PCSK6: variants seen among roughly 807,000 people sequenced by gnomAD.
PCSK6 encodes proprotein convertase subtilisin/kexin type 6, also known as paired basic amino acid cleaving enzyme 4.
PCSK6 carries 85 observed loss-of-function variants against 123.3 expected under a neutral mutation model. The ratio of observed to expected loss-of-function variants is 0.69; its 90% CI spans 0.58 to 0.83. The LOEUF (loss-of-function observed/expected upper bound fraction) is 0.83, where lower values mean the gene tolerates loss of function less well. PCSK6 is among the 40% of genes least tolerant of loss of function. The pLI, the probability that PCSK6 is intolerant of heterozygous loss-of-function variation, is 0.00. For synonymous variants in PCSK6, 508 were observed against 516.0 expected (o/e 0.98, Z 0.21); for missense variants, 1,191 against 1,282.3 (o/e 0.93, Z 1.09).
chr15:101,474,137 T>G (rs1460134666), intron 1 of PCSK6, among the ~76,000 whole-genome samples: 1 of 152,188 alleles, frequency 6.6e-6, no homozygotes, highest in Non-Finnish European at 1.5e-5. Context: ...AAATTGGGCT[T>G]TATCAAGAGG....
At chr15:101,405,900 G>A (rs778316823) in intron 6 of PCSK6, among the ~76,000 whole-genome samples, 34 of 152,108 alleles carry the variant, frequency 2.2e-4, no homozygotes, top group African/African-American at 4.1e-4. Flanking sequence ...ACACCACCAC[G>A]CCTGGCTAAT....
At chr15:101,382,230 G>C in intron 10 of PCSK6, 21 bp from the exon 11 acceptor site, 2 of 1,558,554 alleles carry the variant, frequency 1.3e-6, no homozygotes, top group Non-Finnish European at 1.8e-6. Context: ...AGGCCCTTCA[G>C]AGCCAGGCTC....
intron 17 of PCSK6, among the ~76,000 whole-genome samples, chr15:101,323,607 C>G (rs1345108137): frequency 1.3e-5 from 2 of 152,124 alleles, no homozygotes; most frequent in African/African-American, 4.8e-5. Flanking sequence ...ATGGCGCATG[C>G]CTGTAAGCCC....
chr15:101,331,743 A>C (rs1395829154), intron 14 of PCSK6, 54 bp from the exon 15 acceptor site: 7 of 1,601,446 alleles, frequency 4.4e-6, no homozygotes, highest in Non-Finnish European at 4.3e-6. Flanking sequence ...AGAGAGACAC[A>C]CAACCATCAG....
At chr15:101,418,598 T>C (rs2055973490) in intron 6 of PCSK6, among the ~76,000 whole-genome samples, 1 of 151,936 alleles carries the variant, frequency 6.6e-6, no homozygotes, top group African/African-American at 2.4e-5. Flanking sequence ...CTGCAGCCTT[T>C]GTCTCCCAGG....
chr15:101,407,239 G>A (rs1394737430), intron 6 of PCSK6, among the ~76,000 whole-genome samples: 1 of 152,180 alleles, frequency 6.6e-6, no homozygotes, highest in Admixed American at 6.5e-5. Flanking sequence ...TCTAAATCAT[G>A]TTTTCTACAA....
In PCSK6 at chr15:101,427,900, T is replaced by A; in HGVS notation, c.815A>T (p.Lys272Ile). The change falls in exon 6 of 22, where the codon AAA becomes ATA. Residue 272 changes from lysine to isoleucine, a missense_variant. This residue lies in a region of PCSK6 where 357 missense variants were observed against 484.5 expected (regional missense o/e 0.74). Transcript: ENST00000611716. ...YCIVGIAYNA[K>I]IGGIRMLDGD... The stretch of plus-strand genomic sequence containing the variant: ...GCCACGCCCGGCCTTACCTCCTATT[T>A]TGGCATTGTACGCTATGCCCACGAT... The A allele has an allele frequency of 6.4e-7, 1 of 1,574,006 alleles. No homozygotes were observed. Among genetic ancestry groups the A allele is most frequent in the Non-Finnish European group, 8.6e-7 (1 of 1,158,876 alleles).
At chr15:101,410,227 G>C (rs1488421521) in intron 6 of PCSK6, among the ~76,000 whole-genome samples, 1 of 152,166 alleles carries the variant, frequency 6.6e-6, no homozygotes, top group Non-Finnish European at 1.5e-5. Flanking sequence ...CACTGTGCTT[G>C]GCCAGGGCCT....
chr15:101,457,760 G>A (rs548856042), intron 1 of PCSK6, among the ~76,000 whole-genome samples: 5 of 152,290 alleles, frequency 3.3e-5, no homozygotes, highest in Admixed American at 2.6e-4. Flanking sequence ...GGCAGCCCTG[G>A]CCACCCCTCT....
At chr15:101,307,162 C>G (rs1039546520) in intron 21 of PCSK6, 51 bp downstream of exon 21, 22 of 1,372,120 alleles carry the variant, frequency 1.6e-5, no homozygotes, top group Non-Finnish European at 2.3e-5. Context: ...CACGAGCTGG[C>G]CAGCTGAGCT....
At chr15:101,487,364 C>T (rs1337577367) in intron 1 of PCSK6, among the ~76,000 whole-genome samples, 1 of 152,210 alleles carries the variant, frequency 6.6e-6, no homozygotes, top group Non-Finnish European at 1.5e-5. Flanking sequence ...CCGATTAACT[C>T]CCCAGAATAT....
At chr15:101,438,340 G>C (rs2056661129) in intron 2 of PCSK6, among the ~76,000 whole-genome samples, 1 of 152,208 alleles carries the variant, frequency 6.6e-6, no homozygotes, top group African/African-American at 2.4e-5. Flanking sequence ...AGGTGGGTCA[G>C]AATTTACTTC....
At chr15:101,481,090 G>T (rs922923817) in intron 1 of PCSK6, among the ~76,000 whole-genome samples, 1 of 152,218 alleles carries the variant, frequency 6.6e-6, no homozygotes, top group African/African-American at 2.4e-5. Flanking sequence ...CACAGAGGTG[G>T]CAGAATCGGA....
At chr15:101,468,946 T>C (rs144381709) in intron 1 of PCSK6, among the ~76,000 whole-genome samples, 2 of 152,212 alleles carry the variant, frequency 1.3e-5, no homozygotes, top group Admixed American at 6.5e-5. Context: ...GGTGAATGAT[T>C]TGACATTCAA....
intron 13 of PCSK6, among the ~76,000 whole-genome samples, chr15:101,342,735 C>CTGCTA (rs1252231321): frequency 6.6e-6 from 1 of 152,222 alleles, no homozygotes; most frequent in African/African-American, 2.4e-5. Flanking sequence ...AACCCTGTCT[C>CTGCTA]TGCTAAAAGT....
At chr15:101,447,305 G>T (rs536036646) in intron 1 of PCSK6, among the ~76,000 whole-genome samples, 1 of 152,238 alleles carries the variant, frequency 6.6e-6, no homozygotes, top group East Asian at 1.9e-4. Context: ...CTGTGGGGAT[G>T]TGGCCACTGG....
At chr15:101,371,299 T>C (rs2041579317) in intron 11 of PCSK6, among the ~76,000 whole-genome samples, 4 of 152,184 alleles carry the variant, frequency 2.6e-5, no homozygotes. Flanking sequence ...AGGCGGCTTC[T>C]CCTCGGTGGC....
intron 17 of PCSK6, among the ~76,000 whole-genome samples, 158 bp from the exon 18 acceptor site, chr15:101,322,765 T>C (rs1871975): frequency 0.41 from 61,784 of 152,054 alleles, 13,172 homozygotes; most frequent in Admixed American, 0.54. Flanking sequence ...CAGAGGCCGC[T>C]TGTACCTGGT....
chr15:101,488,082 G>C (rs1297766323), intron 1 of PCSK6, among the ~76,000 whole-genome samples: 4 of 152,116 alleles, frequency 2.6e-5, no homozygotes, highest in African/African-American at 9.7e-5. Context: ...ACACCTAATA[G>C]TACATCAACG....
Sources: gnomAD v4.1 joint callset for allele counts (sites outside exome capture counted in the v4.1 genomes callset) on GRCh38, gnomAD v4.1.1 for gene constraint, gnomAD v4.1.1 regional missense constraint, MANE v1.5 for transcripts, NCBI Gene and HGNC (gene_info 2026-07-23, HGNC 2026-07-21) for gene names.